ARMC9: variants seen among roughly 807,000 people sequenced by gnomAD.
ARMC9 encodes armadillo repeat containing 9.
ARMC9 carries 94 observed loss-of-function variants against 107.0 expected under a neutral mutation model. The ratio of observed to expected loss-of-function variants is 0.88; its 90% CI spans 0.74 to 1.04. ARMC9 has a LOEUF of 1.04. Among genes scored for constraint, ARMC9 ranks in the 50% least tolerant of loss-of-function variants. The probability of loss-of-function intolerance (pLI) is 0.00; values close to 1 mark genes in which losing one functional copy is unlikely to be tolerated. For missense variants in ARMC9, 942 were observed against 1,030.1 expected (o/e 0.91, Z 1.17); for synonymous variants, 380 against 396.9 (o/e 0.96, Z 0.51).
chr2:231,313,156 A>G (rs757216672), intron 19 of ARMC9, among the ~76,000 whole-genome samples: 2 of 152,152 alleles, frequency 1.3e-5, no homozygotes, highest in Non-Finnish European at 2.9e-5. Context: ...TGTGGAATTC[A>G]TTTGCTTTAA....
rs1202548073 is a variant in ARMC9 at position 231,256,627 on chromosome 2, A to T, written c.914+7A>T. On this transcript the variant is annotated splice_region_variant and intron_variant, in intron 10 of 24. Coordinates refer to ENST00000611582, the MANE Select transcript of ARMC9 (RefSeq NM_001352754.2). ...GAGCCTCCTTGGCACCCGTGTAAGT[A>T]ACTGCTCTTAGGAATTTTTATTAAG... 1 of 1,613,440 alleles carries T rather than the reference A, an allele frequency of 6.2e-7. No homozygotes were observed. The highest frequency in any genetic ancestry group is 1.3e-5 in the African/African-American group (1 of 74,888).
chr2:231,228,403 G>A (rs1433413361), intron 7 of ARMC9, among the ~76,000 whole-genome samples: 2 of 152,226 alleles, frequency 1.3e-5, no homozygotes, highest in East Asian at 3.9e-4. Context: ...GCACTCACAC[G>A]CAGAGTGGTG....
At chr2:231,219,138 A>G (rs2033846043) in intron 5 of ARMC9, among the ~76,000 whole-genome samples, 1 of 137,992 alleles carries the variant, frequency 7.2e-6, no homozygotes, top group Admixed American at 7.0e-5. Context: ...TTCACAATTT[A>G]TGTCCTTTTT....
chr2:231,322,562 A>C (rs1268265680), intron 19 of ARMC9, among the ~76,000 whole-genome samples: 1 of 152,170 alleles, frequency 6.6e-6, no homozygotes, highest in Non-Finnish European at 1.5e-5. Flanking sequence ...TTTTCAGGCC[A>C]GTTGCTTAGA....
chr2:231,220,880 C>A (rs2034055389), intron 5 of ARMC9, among the ~76,000 whole-genome samples: 1 of 152,188 alleles, frequency 6.6e-6, no homozygotes, highest in Non-Finnish European at 1.5e-5. Flanking sequence ...AAATAGTAAT[C>A]AACAACAGAG....
At position 231,255,965 on chromosome 2, in the gene ARMC9, G is replaced by C; in HGVS notation, c.880-621G>C. 1 of 831,698 alleles carries C rather than the reference G, an allele frequency of 1.2e-6. No homozygotes were observed. The highest frequency in any genetic ancestry group is 1.8e-6 in the Non-Finnish European group (1 of 549,062). The allele number at this position is 831,698 out of a possible 1,614,324, so 51.5% of individuals were successfully genotyped here. Reference sequence around the variant, plus strand: ...TGAGGCAGGAGAATGGCGTGAACCCGGTAGGCGGAGGTTGCGGTGAGCCAA... The same window carrying C: ...TGAGGCAGGAGAATGGCGTGAACCCCGTAGGCGGAGGTTGCGGTGAGCCAA... On this transcript the variant is annotated intron_variant, in intron 9 of 24. Transcript: ENST00000611582. This position sits in a 1 kb window ranked among gnomAD's most constrained non-coding sequence, Gnocchi z 4.7.
intron 20 of ARMC9, among the ~76,000 whole-genome samples, chr2:231,334,619 G>A (rs991691940): frequency 2.6e-5 from 4 of 152,132 alleles, no homozygotes; most frequent in Non-Finnish European, 5.9e-5. Flanking sequence ...ACCACACCAG[G>A]TCACCATAGG....
chr2:231,274,812 T>C (rs1034284521), intron 14 of ARMC9, among the ~76,000 whole-genome samples: 28 of 152,210 alleles, frequency 1.8e-4, no homozygotes, highest in African/African-American at 6.8e-4. Context: ...TAGGTATTTG[T>C]ATCTACCATT....
intron 9 of ARMC9, 94 bp from the exon 10 acceptor site, chr2:231,256,492 A>T (rs1460300526): frequency 2.9e-5 from 44 of 1,493,750 alleles, no homozygotes; most frequent in Non-Finnish European, 4.1e-5. Context: ...TAACTTGCAC[A>T]TCTGTTGATT....
At chr2:231,261,231 A>T (rs1413781236) in intron 11 of ARMC9, among the ~76,000 whole-genome samples, 7 of 152,174 alleles carry the variant, frequency 4.6e-5, no homozygotes, top group Admixed American at 3.3e-4. Context: ...ATGCTTTTTC[A>T]TATCCCACCT....
At position 231,276,650 on chromosome 2, in the gene ARMC9, C is replaced by T. The variant is rs777653108; in HGVS notation, c.1349C>T (p.Thr450Ile). The change falls in exon 15 of 25, where the codon ACA becomes ATA. Residue 450 changes from threonine to isoleucine, a missense_variant. Thr to Ile is a moderately conservative substitution (Grantham distance 89, BLOSUM62 -1). Coordinates refer to ENST00000611582, the MANE Select transcript of ARMC9 (RefSeq NM_001352754.2). ...TTTCTTCCCAGGCGCCCGCTGCAGACAGCGATGATTCAAGACGGCCTCATC... is the reference window on the plus strand; with the variant it reads ...TTTCTTCCCAGGCGCCCGCTGCAGATAGCGATGATTCAAGACGGCCTCATC... ...QKFSLRRPLQTAMIQDGLIFW... is the reference protein window; with the variant it reads ...QKFSLRRPLQIAMIQDGLIFW... The T allele has an allele frequency of 6.2e-7, 1 of 1,614,192 alleles. No individual in the cohort carries two copies. Among genetic ancestry groups the T allele is most frequent in the Non-Finnish European group, 8.5e-7 (1 of 1,180,034 alleles).
At chr2:231,299,485 G>A (rs2041591112) in intron 19 of ARMC9, among the ~76,000 whole-genome samples, 1 of 152,202 alleles carries the variant, frequency 6.6e-6, no homozygotes, top group African/African-American at 2.4e-5. Context: ...AGGACACGGG[G>A]TTTAGTGGCG....
intron 9 of ARMC9, chr2:231,240,298 T>TTGATCCCAG: frequency 1.9e-6 from 1 of 515,904 alleles, no homozygotes; most frequent in Non-Finnish European, 3.4e-6. Context: ...GTTCCCAGGG[T>TTGATCCCAG]TGGGGATCAG....
At chr2:231,337,290 ATTTT>A (rs58078324) in intron 20 of ARMC9, among the ~76,000 whole-genome samples, 13 of 38,002 alleles carry the variant, frequency 3.4e-4, no homozygotes, top group African/African-American at 1.5e-3. Flanking sequence ...ATATATATAT[ATTTT>A]TTTTTTTTTT....
rs1192612659 is a variant in ARMC9, at chr2:231,282,039, T to G, written c.1552-20T>G. On this transcript the variant is annotated intron_variant, in intron 16 of 24. Coordinates refer to ENST00000611582, the MANE Select transcript of ARMC9 (RefSeq NM_001352754.2). ...TATTTGAAAACTTGCAAATAACTGGTTTTTTTCCTCCCCTTAAAGATACAG... is the reference window on the plus strand; with the variant it reads ...TATTTGAAAACTTGCAAATAACTGGGTTTTTTCCTCCCCTTAAAGATACAG... 4.3e-6 allele frequency: 7 copies of G among 1,611,188 alleles called. No individual in the cohort carries two copies. The highest frequency in any genetic ancestry group is 5.9e-6 in the Non-Finnish European group (7 of 1,178,072).
intron 19 of ARMC9, among the ~76,000 whole-genome samples, chr2:231,317,235 A>G (rs1267600706): frequency 1.3e-5 from 2 of 151,798 alleles, no homozygotes; most frequent in African/African-American, 4.8e-5. Context: ...CAATGGCGCA[A>G]TCGTGGCTCA....
intron 9 of ARMC9, among the ~76,000 whole-genome samples, chr2:231,241,264 G>C (rs913446966): frequency 6.6e-6 from 1 of 151,834 alleles, no homozygotes. Context: ...AATTAGATTC[G>C]GGTTATGCAT....
intron 19 of ARMC9, among the ~76,000 whole-genome samples, chr2:231,330,324 A>G (rs984916119): frequency 6.6e-6 from 1 of 150,718 alleles, no homozygotes; most frequent in Non-Finnish European, 1.5e-5. Flanking sequence ...AGGTTTGAGT[A>G]GAATTCCAGG....
At chr2:231,306,925 C>T (rs931603639) in intron 19 of ARMC9, among the ~76,000 whole-genome samples, 2 of 152,196 alleles carry the variant, frequency 1.3e-5, no homozygotes, top group African/African-American at 2.4e-5. Flanking sequence ...TGACCAGAGC[C>T]ACAGGTGGCC....
Sources: allele counts gnomAD v4.1 joint callset (sites outside exome capture counted in the v4.1 genomes callset), GRCh38; gene constraint gnomAD v4.1.1; non-coding constraint Gnocchi (gnomAD v3.1); transcripts MANE v1.5; gene names NCBI Gene and HGNC (gene_info 2026-07-23, HGNC 2026-07-21).